The following ACSF3 variants were observed in gnomAD, a reference collection of about 807,000 sequenced individuals.
ACSF3 encodes the protein acyl-CoA synthetase family member 3.
Under a neutral mutation model 53.2 loss-of-function variants are expected in ACSF3, and 78 were observed. That is an observed-to-expected ratio of 1.47 (90% CI 1.22 to 1.77). The LOEUF is 1.77. Among genes scored for constraint, ACSF3 ranks in the 40% most tolerant of loss-of-function variants. The pLI is 0.00. For synonymous variants in ACSF3, 414 were observed against 333.1 expected (o/e 1.24, Z -2.65); for missense variants, 937 against 771.1 (o/e 1.22, Z -2.55).
intron 4 of ACSF3, among the ~76,000 whole-genome samples, chr16:89,111,877 C>T (rs1272496108): frequency 1.3e-5 from 2 of 152,232 alleles, no homozygotes; most frequent in Non-Finnish European, 2.9e-5. Flanking sequence ...TAGCTCTGTT[C>T]ACGATTGCTC....
In ACSF3 at chr16:89,117,294, C is replaced by T. The variant is rs534877997; in HGVS notation, c.1126+2807C>T. ...GCGATGGGGTCATATTTTGCACTCA[C>T]ATACAAGAACCCATGAGCCTGCCCA... is the stretch of plus-strand genomic sequence containing the variant. On this transcript the variant is annotated intron_variant, in intron 6 of 10. Transcript: ENST00000614302. Among the ~76,000 whole-genome samples, 175 of 152,354 alleles carry T rather than the reference C, an allele frequency of 1.1e-3. 1 individual carries two copies. Among genetic ancestry groups the T allele is most frequent in the African/African-American group, 4.1e-3 (170 of 41,578 alleles).
At position 89,155,158 on chromosome 16, in the gene ACSF3, T is replaced by A; in HGVS notation, c.*951T>A. 4.4e-6 allele frequency: 2 copies of A among 454,158 alleles called. No homozygotes were observed. Among genetic ancestry groups the A allele is most frequent in the South Asian group, 3.1e-5 (2 of 64,480 alleles). The allele number at this position is 454,158 out of a possible 1,614,324, so 28.1% of individuals were successfully genotyped here. ...CCAATTCAGATGCACAGGGGCCACA[T>A]GCAGAATCCAGAAGTTTCTGGACAA... is the stretch of plus-strand genomic sequence containing the variant. On this transcript the variant is annotated 3_prime_UTR_variant, in exon 11 of 11. Transcript: ENST00000614302.
intron 2 of ACSF3, among the ~76,000 whole-genome samples, chr16:89,099,018 C>T (rs1444369840): frequency 2.0e-5 from 3 of 152,266 alleles, no homozygotes; most frequent in South Asian, 2.1e-4. Context: ...CCAGTGGCAG[C>T]AGAGCCCAGA....
Position 89,100,641 on chromosome 16 carries a change from C to A in ACSF3, c.-20-21C>A, listed in dbSNP as rs145819902. ...GATGGGACAGTTGGGCACTCACGTCCTGTGCCTTGCCTTTCTCCAGCTCGG... is the reference window on the plus strand; with the variant it reads ...GATGGGACAGTTGGGCACTCACGTCATGTGCCTTGCCTTTCTCCAGCTCGG... On this transcript the variant is annotated intron_variant, in intron 2 of 10. Transcript: ENST00000614302. 4.8e-3 allele frequency: 2,909 copies of A among 607,122 alleles called. 44 individuals are homozygous for A. The East Asian group carries it at 0.05, about 10-fold the overall frequency. The allele number at this position is 607,122 out of a possible 1,614,324, so 37.6% of individuals were successfully genotyped here.
intron 2 of ACSF3, 57 bp from the exon 3 acceptor site, chr16:89,100,605 G>T: frequency 6.6e-7 from 1 of 1,504,508 alleles, no homozygotes; most frequent in Non-Finnish European, 8.9e-7. Context: ...ATCCTGTCTT[G>T]GCCACGTTTG....
chr16:89,151,582 C>G, intron 10 of ACSF3: 1 of 209,006 alleles, frequency 4.8e-6, no homozygotes, highest in Non-Finnish European at 9.7e-6. Context: ...CTTTCATATT[C>G]AAAAATCAGT....
Position 89,154,338 on chromosome 16 carries a change from A to AG in ACSF3, c.*132dup, listed in dbSNP as rs1914482686. 1.1e-6 allele frequency: 1 copy of AG among 872,752 alleles called. No individual in the cohort carries two copies. Among genetic ancestry groups the AG allele is most frequent in the African/African-American group, 1.7e-5 (1 of 60,192 alleles). The allele number at this position is 872,752 out of a possible 1,614,324, so 54.1% of individuals were successfully genotyped here. ...CCCCAAATCAGGTCACGTAGAATCA[A>AG]GAACTGTTTGGGATGAAATCACCAT... On this transcript the variant is annotated 3_prime_UTR_variant, in exon 11 of 11. Coordinates refer to ENST00000614302, the MANE Select transcript of ACSF3 (RefSeq NM_001243279.3).
intron 9 of ACSF3, 86 bp from the exon 10 acceptor site, chr16:89,145,852 C>T (rs537035362): frequency 5.5e-5 from 64 of 1,163,424 alleles, no homozygotes; most frequent in Admixed American, 4.9e-4. Flanking sequence ...GGCCAGACTG[C>T]GCTCTTCCTG....
chr16:89,107,214 G>T (rs976126596), intron 4 of ACSF3, among the ~76,000 whole-genome samples: 4 of 152,204 alleles, frequency 2.6e-5, no homozygotes, highest in African/African-American at 9.6e-5. Flanking sequence ...TGTGCTGGAG[G>T]AAGAAGGTCA....
At chr16:89,119,978 A>T (rs908566331) in intron 6 of ACSF3, among the ~76,000 whole-genome samples, 2 of 152,194 alleles carry the variant, frequency 1.3e-5, no homozygotes, top group Admixed American at 1.3e-4. Flanking sequence ...ACGCCCCGGG[A>T]TAGACAGGAA....
chr16:89,135,583 A>G (rs1348005484), intron 8 of ACSF3, among the ~76,000 whole-genome samples: 2 of 151,922 alleles, frequency 1.3e-5, no homozygotes, highest in Non-Finnish European at 2.9e-5. Context: ...CACATCAAAC[A>G]CTCCCTCCCA....
At chr16:89,118,420 G>A (rs1905738757) in intron 6 of ACSF3, among the ~76,000 whole-genome samples, 1 of 152,310 alleles carries the variant, frequency 6.6e-6, no homozygotes, top group African/African-American at 2.4e-5. Context: ...GTTTCTAGAG[G>A]GCACGGTGGA....
chr16:89,155,215 A>G lies in ACSF3; in HGVS notation c.*1008A>G. 1 of 454,156 alleles carries G rather than the reference A, an allele frequency of 2.2e-6. No homozygotes were observed. Among genetic ancestry groups the G allele is most frequent in the Non-Finnish European group, 4.4e-6 (1 of 226,798 alleles). The allele number at this position is 454,156 out of a possible 1,614,324, so 28.1% of individuals were successfully genotyped here. On this transcript the variant is annotated 3_prime_UTR_variant, in exon 11 of 11. Transcript: ENST00000614302. The stretch of plus-strand genomic sequence containing the variant: ...GAAGAATAGGCTGCCTCCTCCCCAC[A>G]GCCTGGGGGAAGTAACAGTCATCGC...
chr16:89,114,839 A>C (rs1010647448), intron 6 of ACSF3: 5 of 370,616 alleles, frequency 1.3e-5, no homozygotes, highest in Admixed American at 1.1e-4. Context: ...CCACATCAGC[A>C]GTGGTGGCAG....
chr16:89,108,917 C>T (rs187581240), intron 4 of ACSF3, among the ~76,000 whole-genome samples: 152 of 152,156 alleles, frequency 1.0e-3, no homozygotes, highest in Non-Finnish European at 1.2e-4. Context: ...TGTATGGTGA[C>T]TTTCTGTTTA....
At chr16:89,121,402 G>C (rs945758200) in intron 7 of ACSF3, among the ~76,000 whole-genome samples, 1 of 152,204 alleles carries the variant, frequency 6.6e-6, no homozygotes, top group Non-Finnish European at 1.5e-5. Context: ...GGAGGTGGGT[G>C]CCTGTGCAGT....
rs369726475 is a variant in ACSF3, at chr16:89,146,004, G to A, written c.1568G>A (p.Arg523Gln). Residue 523 changes from arginine (R) to glutamine (Q), a missense_variant, in exon 10 of 11, where the codon CGA (arginine) becomes CAA (glutamine). Physicochemically the swap from Arg to Gln is conservative, Grantham distance 43. Coordinates refer to ENST00000614302, the MANE Select transcript of ACSF3 (RefSeq NM_001243279.3). ...CGGGTCACTGCTGTGGTGACCCTCCGAGAAGGACACTCACTGTCCCACAGG... is the reference window on the plus strand; with the variant it reads ...CGGGTCACTGCTGTGGTGACCCTCCAAGAAGGACACTCACTGTCCCACAGG... ...GQRVTAVVTL[R>Q]EGHSLSHREL... The A allele has an allele frequency of 1.6e-5, 25 of 1,542,048 alleles. No individual in the cohort carries two copies. In the African/African-American group the frequency reaches 1.9e-4, roughly 12 times the overall value.
At chr16:89,122,976 G>T (rs757557454) in intron 7 of ACSF3, 1 of 152,332 alleles carries the variant, frequency 6.6e-6, no homozygotes, top group Non-Finnish European at 1.5e-5. Flanking sequence ...CAGAGACACC[G>T]CACAGGGGCC....
chr16:89,132,370 C>T (rs1035419995), intron 7 of ACSF3, among the ~76,000 whole-genome samples: 1 of 152,312 alleles, frequency 6.6e-6, no homozygotes, highest in East Asian at 1.9e-4. Context: ...ACCTATGAGC[C>T]GAGGGCTCGG....
Sources: allele counts gnomAD v4.1 joint callset (sites outside exome capture counted in the v4.1 genomes callset), GRCh38; gene constraint gnomAD v4.1.1; transcripts MANE v1.5; gene names NCBI Gene and HGNC (gene_info 2026-07-23, HGNC 2026-07-21).